DPP6: variants seen among roughly 807,000 people sequenced by gnomAD.
DPP6 encodes the protein dipeptidyl peptidase like 6, also known as A-type potassium channel modulatory protein DPP6.
A neutral mutation model predicts 122.6 loss-of-function variants in DPP6; 69 were observed. That is an observed-to-expected ratio of 0.56 (90% CI 0.46 to 0.69). The LOEUF (loss-of-function observed/expected upper bound fraction) is 0.69, where lower values mean the gene tolerates loss of function less well. Among genes scored for constraint, DPP6 ranks in the 30% least tolerant of loss-of-function variants. The pLI is 0.00. For missense variants in DPP6, 928 were observed against 1,116.9 expected (o/e 0.83, Z 2.41); for synonymous variants, 418 against 433.1 (o/e 0.97, Z 0.43).
intron 3 of DPP6, chr7:154,475,464 A>G (rs952519705): frequency 8.5e-6 from 2 of 236,180 alleles, no homozygotes; most frequent in African/African-American, 2.3e-5. Flanking sequence ...GACCAAAAGC[A>G]ACTCATGGAG....
At chr7:154,456,738 A>AGAGGGAGATTTGACAC (rs757755368) in intron 2 of DPP6, among the ~76,000 whole-genome samples, 7 of 113,772 alleles carry the variant, frequency 6.2e-5, no homozygotes, top group South Asian at 3.1e-4. Context: ...AGAAGGAAAT[A>AGAGGGAGATTTGACAC]AGAATGCTTG....
chr7:154,814,878 C>T (rs1799314480), intron 16 of DPP6, among the ~76,000 whole-genome samples: 1 of 152,198 alleles, frequency 6.6e-6, no homozygotes. Context: ...AAATTTCCCA[C>T]TTCTTATGTG....
chr7:154,310,643 C>A (rs1163941791), intron 1 of DPP6, among the ~76,000 whole-genome samples: 1 of 152,210 alleles, frequency 6.6e-6, no homozygotes, highest in Non-Finnish European at 1.5e-5. Context: ...GGCAGATATA[C>A]TCAAAACCTT....
chr7:153,986,831 A>T (rs1219139829), intron 1 of DPP6, among the ~76,000 whole-genome samples: 2 of 151,970 alleles, frequency 1.3e-5, no homozygotes, highest in African/African-American at 2.4e-5. Flanking sequence ...AGAAATGTTG[A>T]TGTCTTCTCC....
chr7:154,776,530 T>C (rs977787620), intron 10 of DPP6, among the ~76,000 whole-genome samples: 4 of 152,196 alleles, frequency 2.6e-5, no homozygotes, highest in Non-Finnish European at 5.9e-5. Flanking sequence ...TCATTTTCAT[T>C]TTCCCGCCTG....
chr7:154,609,224 G>A (rs1833760905), intron 5 of DPP6, among the ~76,000 whole-genome samples: 1 of 152,140 alleles, frequency 6.6e-6, no homozygotes, highest in African/African-American at 2.4e-5. Flanking sequence ...GTAATAGGAG[G>A]GTATTCTCTG....
chr7:154,082,114 G>A (rs1232788043), intron 1 of DPP6, among the ~76,000 whole-genome samples: 6 of 152,296 alleles, frequency 3.9e-5, no homozygotes, highest in Middle Eastern at 3.4e-3. Flanking sequence ...GGGTTCCATC[G>A]TCTACGGGAG....
intron 1 of DPP6, among the ~76,000 whole-genome samples, chr7:153,932,209 C>T (rs1585049993): frequency 6.6e-6 from 1 of 151,660 alleles, no homozygotes; most frequent in Non-Finnish European, 1.5e-5. Context: ...CAACCTCCAC[C>T]TCCCGGGTTC....
intron 1 of DPP6, among the ~76,000 whole-genome samples, chr7:154,229,792 T>G (rs1800813548): frequency 1.3e-5 from 2 of 152,056 alleles, no homozygotes; most frequent in African/African-American, 4.8e-5. Context: ...TTTTTCAAAC[T>G]GAGGTCTTAT....
chr7:154,378,745 G>T (rs1252981689), intron 1 of DPP6, among the ~76,000 whole-genome samples: 2 of 152,180 alleles, frequency 1.3e-5, no homozygotes, highest in African/African-American at 2.4e-5. Context: ...AAGAAAAGAG[G>T]TTTAGTTGAC....
At chr7:153,984,303 A>G (rs1466934355) in intron 1 of DPP6, among the ~76,000 whole-genome samples, 1 of 152,252 alleles carries the variant, frequency 6.6e-6, no homozygotes, top group African/African-American at 2.4e-5. Flanking sequence ...TAAAAGTTCA[A>G]GAAACCTTTA....
At chr7:154,888,255 A>G (rs1806326546) in intron 23 of DPP6, among the ~76,000 whole-genome samples, 1 of 151,892 alleles carries the variant, frequency 6.6e-6, no homozygotes, top group Admixed American at 6.6e-5. Context: ...CGCCCAGCTA[A>G]TTTTTGTATT....
At chr7:154,125,793 G>A (rs895764102) in intron 1 of DPP6, among the ~76,000 whole-genome samples, 10 of 152,172 alleles carry the variant, frequency 6.6e-5, no homozygotes, top group Non-Finnish European at 1.3e-4. Context: ...AGAACCTAGA[G>A]TTAATGGGCC....
At chr7:154,116,703 G>C (rs1007233936) in intron 1 of DPP6, among the ~76,000 whole-genome samples, 5 of 151,998 alleles carry the variant, frequency 3.3e-5, no homozygotes, top group Admixed American at 6.6e-5. Context: ...TATCTTTCTT[G>C]AATTTTTCTT....
At chr7:154,204,186 G>A (rs1194299692) in intron 1 of DPP6, among the ~76,000 whole-genome samples, 1 of 152,196 alleles carries the variant, frequency 6.6e-6, no homozygotes, top group Non-Finnish European at 1.5e-5. Flanking sequence ...GGCACAGAGT[G>A]GCATGGGCAT....
At chr7:154,541,461 T>C (rs1205879162) in intron 4 of DPP6, among the ~76,000 whole-genome samples, 1 of 152,220 alleles carries the variant, frequency 6.6e-6, no homozygotes, top group East Asian at 1.9e-4. Flanking sequence ...CATTAAGATT[T>C]GATGTTCATG....
At chr7:154,272,028 A>T (rs747472856) in intron 1 of DPP6, among the ~76,000 whole-genome samples, 2 of 151,992 alleles carry the variant, frequency 1.3e-5, no homozygotes, top group African/African-American at 4.8e-5. Flanking sequence ...AGTTCTCAAA[A>T]CTCTCTCTAC....
rs76503292 is a variant in DPP6, at chr7:154,768,177, C to G, written c.884-1240C>G. 5.0e-3 allele frequency among the ~76,000 whole-genome samples: 768 copies of G among 152,354 alleles called. 3 individuals are homozygous for G. Among genetic ancestry groups the G allele is most frequent in the Middle Eastern group, 0.02 (6 of 294 alleles). On this transcript the variant is annotated intron_variant, in intron 8 of 25. Coordinates refer to ENST00000377770, the MANE Select transcript of DPP6 (RefSeq NM_130797.4). ...TGACACTGACCTGGCGCTAAGCCCC[C>G]CTTCATGAACCCTCCTCCCGGCCAG...
At chr7:153,868,381 A>T in the DPP6 span, among the ~76,000 whole-genome samples, 1 of 152,004 alleles carries the variant, frequency 6.6e-6, no homozygotes, top group Non-Finnish European at 1.5e-5. Flanking sequence ...TAGTCTTGGG[A>T]GGGTGTATGT....
Sources: gnomAD v4.1 joint callset for allele counts (sites outside exome capture counted in the v4.1 genomes callset) on GRCh38, gnomAD v4.1.1 for gene constraint, MANE v1.5 for transcripts, NCBI Gene and HGNC (gene_info 2026-07-23, HGNC 2026-07-21) for gene names.